Variants in PRDM16 observed in about 807,000 individuals in gnomAD.
PRDM16 encodes histone-lysine N-methyltransferase PRDM16.
Under a neutral mutation model 110.6 loss-of-function variants are expected in PRDM16, and 23 were observed. The observed-to-expected ratio is 0.21, with a 90% CI of 0.15 to 0.29. PRDM16 has a LOEUF of 0.29. Ranked by LOEUF, PRDM16 falls within the 10% of genes least tolerant of loss-of-function variation. The pLI is 1.00. For synonymous variants in PRDM16, 799 were observed against 781.8 expected (o/e 1.02, Z -0.37); for missense variants, 1,615 against 1,794.3 (o/e 0.90, Z 1.81).
At chr1:3,106,724 G>T (rs187239915) in intron 1 of PRDM16, among the ~76,000 whole-genome samples, 123 of 152,316 alleles carry the variant, frequency 8.1e-4, no homozygotes, top group African/African-American at 2.6e-3. Flanking sequence ...GCCAGCATGG[G>T]GGGGAGCAGC....
At chr1:3,311,711 C>T (rs995991955) in intron 3 of PRDM16, among the ~76,000 whole-genome samples, 1 of 152,204 alleles carries the variant, frequency 6.6e-6, no homozygotes, top group African/African-American at 2.4e-5. Context: ...AAGGCACCCC[C>T]AAAGCTGATT....
chr1:3,272,521 G>T (rs926304218), intron 3 of PRDM16, among the ~76,000 whole-genome samples: 1 of 152,186 alleles, frequency 6.6e-6, no homozygotes, highest in Admixed American at 6.5e-5. Context: ...CGCACTGGGG[G>T]CTCGGGAAAC....
intron 8 of PRDM16, among the ~76,000 whole-genome samples, chr1:3,409,310 T>C (rs2100656229): frequency 6.6e-6 from 1 of 152,048 alleles, no homozygotes; most frequent in Non-Finnish European, 1.5e-5. Flanking sequence ...GCCAGGTAGG[T>C]GACCGAGGGG....
chr1:3,129,344 TGTG>T (rs1474655141), intron 1 of PRDM16, among the ~76,000 whole-genome samples: 5 of 133,932 alleles, frequency 3.7e-5, no homozygotes, highest in East Asian at 2.2e-4. Flanking sequence ...CCTGCCTGGT[TGTG>T]TGTGTGTGCG....
intron 3 of PRDM16, among the ~76,000 whole-genome samples, chr1:3,282,339 G>A (rs529008396): frequency 1.3e-5 from 2 of 152,200 alleles, no homozygotes; most frequent in South Asian, 2.1e-4. Context: ...TGGAGTGGGG[G>A]CTCTGGGCTC....
chr1:3,274,145 TA>T (rs1258775638), intron 3 of PRDM16, among the ~76,000 whole-genome samples: 1 of 152,176 alleles, frequency 6.6e-6, no homozygotes, highest in Non-Finnish European at 1.5e-5. Context: ...GCTTCTTTAA[TA>T]AAAAGTGTAT....
intron 1 of PRDM16, among the ~76,000 whole-genome samples, chr1:3,146,584 C>G (rs1432910925): frequency 1.2e-5 from 1 of 84,396 alleles, no homozygotes; most frequent in African/African-American, 5.0e-5. Context: ...CGGTGTGGGG[C>G]ATATGTGTGC....
intron 3 of PRDM16, among the ~76,000 whole-genome samples, chr1:3,325,025 A>G (rs979593710): frequency 6.6e-6 from 1 of 152,038 alleles, no homozygotes; most frequent in Non-Finnish European, 1.5e-5. Flanking sequence ...TGGCCCCTAC[A>G]TGTGGCCTCT....
chr1:3,071,447 G>A (rs1641758201), intron 1 of PRDM16, among the ~76,000 whole-genome samples: 1 of 152,126 alleles, frequency 6.6e-6, no homozygotes, highest in Admixed American at 6.5e-5. Flanking sequence ...GCCAGGCCTC[G>A]GCCCTCTGTC....
intron 1 of PRDM16, among the ~76,000 whole-genome samples, chr1:3,146,922 G>C (rs1364754512): frequency 1.4e-5 from 1 of 72,634 alleles, no homozygotes; most frequent in African/African-American, 6.1e-5. Context: ...GTGGGGGGGT[G>C]TGTGTGCACG....
In PRDM16 at chr1:3,402,892, C is replaced by G. The variant is rs762328436; in HGVS notation, c.778C>G (p.Leu260Val). 73 of 1,612,922 alleles carry G rather than the reference C, an allele frequency of 4.5e-5. No individual in the cohort carries two copies. Among genetic ancestry groups the G allele is most frequent in the Middle Eastern group, 1.6e-4 (1 of 6,084 alleles). The change falls in exon 6 of 17, where the codon CTC becomes GTC. Residue 260 changes from leucine to valine, a missense_variant. Physicochemically the swap from Leu to Val is conservative, Grantham distance 32 (BLOSUM62 1). Coordinates refer to ENST00000270722, the MANE Select transcript of PRDM16 (RefSeq NM_022114.4). ...CACGTGTGGCTCAGTGGGGGCTGCG[C>G]TCTACGAGGGCCTGGCTGAGGAGCT... Reference protein sequence around the residue: ...KYTCGSVGAALYEGLAEELKP... With the variant: ...KYTCGSVGAAVYEGLAEELKP...
chr1:3,215,853 C>T (rs1033780626), intron 2 of PRDM16, among the ~76,000 whole-genome samples: 1 of 152,180 alleles, frequency 6.6e-6, no homozygotes, highest in African/African-American at 2.4e-5. Context: ...GCGCATTCTT[C>T]CCCGGCTCCT....
intron 1 of PRDM16, among the ~76,000 whole-genome samples, chr1:3,141,976 C>A (rs1388745168): frequency 6.6e-6 from 1 of 152,274 alleles, no homozygotes; most frequent in Admixed American, 6.5e-5. Flanking sequence ...TCATGGTGCA[C>A]CGCGTTTCCG....
In PRDM16 at chr1:3,339,399, C is replaced by G. The variant is rs1243427029; in HGVS notation, c.439-45753C>G. ...GATGGGTGGATGAGTGGCAACCATC[C>G]TGGGTGGTCAGTAGGACCCTAGAAA... On this transcript the variant is annotated intron_variant, in intron 3 of 16. Coordinates refer to ENST00000270722, the MANE Select transcript of PRDM16 (RefSeq NM_022114.4). The surrounding 1 kb of genome is among the most constrained non-coding windows in gnomAD (Gnocchi z 5.0). Among the ~76,000 whole-genome samples the G allele has an allele frequency of 6.6e-6, 1 of 152,110 alleles. No individual in the cohort carries two copies. Among genetic ancestry groups the G allele is most frequent in the Non-Finnish European group, 1.5e-5 (1 of 68,012 alleles).
At chr1:3,394,400 C>G (rs993565610) in intron 4 of PRDM16, 6 of 449,434 alleles carry the variant, frequency 1.3e-5, no homozygotes, top group Non-Finnish European at 1.8e-5. Context: ...GCCCTCTGCC[C>G]GCCAGTGGAG....
intron 3 of PRDM16, among the ~76,000 whole-genome samples, chr1:3,298,459 G>A (rs1210844906): frequency 6.6e-6 from 1 of 152,232 alleles, no homozygotes; most frequent in East Asian, 1.9e-4. Context: ...TGGAGGCACT[G>A]AAGCTTTCAC....
intron 3 of PRDM16, among the ~76,000 whole-genome samples, chr1:3,340,050 A>G (rs1642241173): frequency 6.6e-6 from 1 of 152,136 alleles, no homozygotes. Flanking sequence ...CTGCGTATGG[A>G]CGGATTCGCT....
At chr1:3,261,142 ACAGG>A (rs1436804653) in intron 3 of PRDM16, among the ~76,000 whole-genome samples, 1 of 148,942 alleles carries the variant, frequency 6.7e-6, no homozygotes, top group African/African-American at 2.5e-5. Context: ...AAAAAAAAAA[ACAGG>A]AAGAGGCAGA....
At chr1:3,179,931 G>A (rs184846534) in intron 1 of PRDM16, among the ~76,000 whole-genome samples, 87 of 152,160 alleles carry the variant, frequency 5.7e-4, no homozygotes, top group Middle Eastern at 3.4e-3. Flanking sequence ...GGCTGCCACC[G>A]GATTTGTTTG....
Sources: gnomAD v4.1 joint callset for allele counts (sites outside exome capture counted in the v4.1 genomes callset) on GRCh38, gnomAD v4.1.1 for gene constraint, Gnocchi (gnomAD v3.1) non-coding constraint, MANE v1.5 for transcripts, NCBI Gene and HGNC (gene_info 2026-07-23, HGNC 2026-07-21) for gene names.